ABCG1: variants seen among roughly 807,000 people sequenced by gnomAD.
The protein encoded by ABCG1 is ATP binding cassette subfamily G member 1, also known as ATP-binding cassette sub-family G member 1.
ABCG1 carries 29 observed loss-of-function variants against 69.2 expected under a neutral mutation model. The ratio of observed to expected loss-of-function variants is 0.42; its 90% CI spans 0.31 to 0.57. The LOEUF is 0.57. ABCG1 is among the 20% of genes least tolerant of loss of function. The pLI is 0.15. For synonymous variants in ABCG1, 370 were observed against 374.8 expected (o/e 0.99, Z 0.15); for missense variants, 718 against 898.1 (o/e 0.80, Z 2.56).
rs114667745 is a variant in ABCG1, at chr21:42,278,293, C to A, written c.588+1348C>A. 2.8e-3 allele frequency among the ~76,000 whole-genome samples: 420 copies of A among 152,216 alleles called. 1 individual carries two copies. Among genetic ancestry groups the A allele is most frequent in the African/African-American group, 9.3e-3 (388 of 41,530 alleles). On this transcript the variant is annotated intron_variant, in intron 5 of 14. Transcript: ENST00000398449. ...AAACAATGTAACGTAGACACCCCCC[C>A]ACAACACACACACCACCTCCCAAGC...
At chr21:42,285,550 A>G (rs1250039796) in intron 7 of ABCG1, among the ~76,000 whole-genome samples, 1 of 152,170 alleles carries the variant, frequency 6.6e-6, no homozygotes, top group Non-Finnish European at 1.5e-5. Flanking sequence ...AGGTTTTGAT[A>G]TTAGTCTAAG....
At chr21:42,210,342 C>T (rs1187087154) in intron 2 of ABCG1, among the ~76,000 whole-genome samples, 1 of 152,090 alleles carries the variant, frequency 6.6e-6, no homozygotes, top group African/African-American at 2.4e-5. Context: ...ACGTGGGGTA[C>T]ACAGTGGTTC....
chr21:42,226,834 T>C (rs887453324), intron 2 of ABCG1, among the ~76,000 whole-genome samples: 3 of 152,316 alleles, frequency 2.0e-5, no homozygotes, highest in African/African-American at 4.8e-5. Flanking sequence ...TGGGAGGACT[T>C]TGGAACAATA....
intron 2 of ABCG1, among the ~76,000 whole-genome samples, chr21:42,244,953 G>A (rs1473670556): frequency 1.3e-5 from 2 of 152,254 alleles, no homozygotes; most frequent in Non-Finnish European, 2.9e-5. Flanking sequence ...CCACAGGTGA[G>A]AACTCCATGT....
chr21:42,209,766 C>T (rs755340165), intron 2 of ABCG1, among the ~76,000 whole-genome samples: 2 of 152,190 alleles, frequency 1.3e-5, no homozygotes, highest in African/African-American at 2.4e-5. Flanking sequence ...CACTATGTGC[C>T]GGCCATGGCT....
chr21:42,201,554 G>T, intron 1 of ABCG1: 1 of 1,459,918 alleles, frequency 6.8e-7, no homozygotes, highest in Admixed American at 2.1e-5. Context: ...TCATTCTGTC[G>T]ACCTTCTTCC....
upstream of ABCG1, among the ~76,000 whole-genome samples, chr21:42,213,343 G>A (rs1159583467): frequency 6.6e-6 from 1 of 152,258 alleles, no homozygotes; most frequent in African/African-American, 2.4e-5. Context: ...TAAACCTTGG[G>A]CTTCTGTGCA....
intron 2 of ABCG1, among the ~76,000 whole-genome samples, chr21:42,257,781 G>T (rs114052249): frequency 1.3e-5 from 2 of 152,146 alleles, no homozygotes; most frequent in Non-Finnish European, 2.9e-5. Flanking sequence ...TCCCTGCACC[G>T]CGAGGCCCAT....
At position 42,220,307 on chromosome 21, in the gene ABCG1, G is replaced by A. The variant is rs118181427; in HGVS notation, c.42+1003G>A. Among the ~76,000 whole-genome samples the A allele has an allele frequency of 4.1e-4, 63 of 152,254 alleles. No individual in the cohort carries two copies. In the East Asian group the frequency reaches 0.011, roughly 26 times the overall value. On this transcript the variant is annotated intron_variant, in intron 1 of 14. Transcript: ENST00000398449. ...GCTGTAAGCCCACAGTGCATGGCAC[G>A]CTCCGGGGCTCACCCCGCCCCTCCC...
At chr21:42,280,838 C>T (rs1435470502) in intron 5 of ABCG1, among the ~76,000 whole-genome samples, 1 of 152,112 alleles carries the variant, frequency 6.6e-6, no homozygotes. Context: ...CTGGAGGCCT[C>T]GTCCTGGGAA....
intron 2 of ABCG1, chr21:42,256,354 C>A: frequency 6.5e-7 from 1 of 1,550,246 alleles, no homozygotes; most frequent in South Asian, 1.2e-5. Flanking sequence ...GGGACATGGT[C>A]AGGAGAGGTT....
chr21:42,259,329 G>T, intron 2 of ABCG1: 1 of 1,549,354 alleles, frequency 6.5e-7, no homozygotes, highest in Non-Finnish European at 8.7e-7. Context: ...AGCCGTGCAT[G>T]TACAGGTGGC....
At chr21:42,262,340 G>A (rs1022394697) in intron 2 of ABCG1, among the ~76,000 whole-genome samples, 2 of 152,138 alleles carry the variant, frequency 1.3e-5, no homozygotes, top group African/African-American at 2.4e-5. Context: ...TAAATTGAAA[G>A]GTAAAGGTCA....
rs376903585 is a variant in ABCG1, at chr21:42,296,115, G to A, written c.1773-49G>A. On this transcript the variant is annotated intron_variant, in intron 14 of 14. Transcript: ENST00000398449. This position sits in a 1 kb window ranked among gnomAD's most constrained non-coding sequence, Gnocchi z 5.4. ...ACGACATTGACCTTCAGCCAACGGC[G>A]TGGCTGGCTGGGAGAACGTCCTCCC... is the stretch of plus-strand genomic sequence containing the variant. 1.3e-5 allele frequency: 20 copies of A among 1,530,172 alleles called. No individual in the cohort carries two copies. The highest frequency in any genetic ancestry group is 2.7e-5 in the African/African-American group (2 of 73,164). The allele number at this position is 1,530,172 out of a possible 1,614,324, so 94.8% of individuals were successfully genotyped here.
Position 42,219,724 on chromosome 21 carries a change from G to A in ABCG1, c.42+420G>A. On this transcript the variant is annotated intron_variant, in intron 1 of 14. Transcript: ENST00000398449. The surrounding 1 kb of genome is among the most constrained non-coding windows in gnomAD (Gnocchi z 5.3). ...GAAGAAGGGGAGCCCCGCGCGCGCG[G>A]CTGTGGGCTTGGGGACCGGGGACTT... 1 of 1,147,236 alleles carries A rather than the reference G, an allele frequency of 8.7e-7. No homozygotes were observed. The allele number at this position is 1,147,236 out of a possible 1,614,324, so 71.1% of individuals were successfully genotyped here.
intron 2 of ABCG1, among the ~76,000 whole-genome samples, chr21:42,240,608 CG>C (rs34256469): frequency 6.6e-6 from 1 of 152,180 alleles, no homozygotes; most frequent in African/African-American, 2.4e-5. Flanking sequence ...CCATCACACC[CG>C]GCTAATTTTT....
At chr21:42,285,196 G>C (rs60438922) in intron 7 of ABCG1, among the ~76,000 whole-genome samples, 4,170 of 152,126 alleles carry the variant, frequency 0.027, 188 homozygotes, top group African/African-American at 0.092. Flanking sequence ...GTATCATTTG[G>C]TTTATAAATC....
At chr21:42,277,033 G>A in intron 5 of ABCG1, 88 bp downstream of exon 5, 1 of 1,442,884 alleles carries the variant, frequency 6.9e-7, no homozygotes. Context: ...TTTTGGCATT[G>A]GCTTTTGTTT....
At chr21:42,256,752 C>T in intron 2 of ABCG1, 1 of 1,341,556 alleles carries the variant, frequency 7.5e-7, no homozygotes, top group East Asian at 2.7e-5. Flanking sequence ...CAGAAATGAT[C>T]ACGAGCTTAA....
Sources: gnomAD v4.1 joint callset for allele counts (sites outside exome capture counted in the v4.1 genomes callset) on GRCh38, gnomAD v4.1.1 for gene constraint, Gnocchi (gnomAD v3.1) non-coding constraint, MANE v1.5 for transcripts, NCBI Gene and HGNC (gene_info 2026-07-23, HGNC 2026-07-21) for gene names.